TMPRSS5: variants seen among roughly 807,000 people sequenced by gnomAD.
The protein encoded by TMPRSS5 is transmembrane protease serine 5.
TMPRSS5 carries 45 observed loss-of-function variants against 59.7 expected under a neutral mutation model. The ratio of observed to expected loss-of-function variants is 0.75; its 90% CI spans 0.59 to 0.97. TMPRSS5 has a LOEUF of 0.97. TMPRSS5 is among the 50% of genes least tolerant of loss of function. TMPRSS5 has a pLI of 0.00. For missense variants in TMPRSS5, 585 were observed against 596.7 expected (o/e 0.98, Z 0.20); for synonymous variants, 225 against 232.0 (o/e 0.97, Z 0.27).
Position 113,691,029 on chromosome 11 carries a change from T to A in TMPRSS5, c.965-90A>T. The A allele has an allele frequency of 2.5e-6, 3 of 1,221,322 alleles. No homozygotes were observed. In the East Asian group the frequency reaches 7.7e-5, roughly 31 times the overall value. The allele number at this position is 1,221,322 out of a possible 1,614,324, so 75.7% of individuals were successfully genotyped here. A position where few individuals can be genotyped will look rare whatever the true frequency, so the allele number is the denominator to read the frequency against. ...CGAAGGACCCAGGACTGGCAAGTCC[T>A]CCTCAGCCCCCTTCTCAAACAGTCC... On this transcript the variant is annotated intron_variant, in intron 9 of 12. Coordinates refer to ENST00000299882, the MANE Select transcript of TMPRSS5 (RefSeq NM_030770.4).
At chr11:113,697,992 G>A (rs1399947133) in intron 4 of TMPRSS5, among the ~76,000 whole-genome samples, 8 of 152,154 alleles carry the variant, frequency 5.3e-5, no homozygotes, top group South Asian at 4.1e-4. Flanking sequence ...ATGAGGTCAC[G>A]AGGGTGACGC....
Position 113,697,306 on chromosome 11 carries a change from G to C in TMPRSS5, c.441C>G (p.Ile147Met). 1 of 1,612,924 alleles carries C rather than the reference G, an allele frequency of 6.2e-7. No homozygotes were observed. Among genetic ancestry groups the C allele is most frequent in the East Asian group, 2.2e-5 (1 of 44,846 alleles). Residue 147 changes from isoleucine to methionine, a missense_variant, in exon 5 of 13, where the codon ATC becomes ATG. Coordinates refer to ENST00000299882, the MANE Select transcript of TMPRSS5 (RefSeq NM_030770.4). ...EGWSPALGLQ[I>M]CWSLGHLRLT... ...ACCTGAGATGCCCAAGGCTCCAGCAGATCTGCAGCCCCAGGGCGGGGCTCC... is the reference window on the plus strand; with the variant it reads ...ACCTGAGATGCCCAAGGCTCCAGCACATCTGCAGCCCCAGGGCGGGGCTCC...
At chr11:113,699,558 A>C (rs1591387169) in intron 3 of TMPRSS5, 37 bp downstream of exon 3, 3 of 1,524,180 alleles carry the variant, frequency 2.0e-6, no homozygotes, top group Non-Finnish European at 1.8e-6. Context: ...CTCCCTTCCA[A>C]CCTCCCCCAC....
intron 9 of TMPRSS5, among the ~76,000 whole-genome samples, chr11:113,692,318 A>G (rs548978467): frequency 6.6e-6 from 1 of 152,288 alleles, no homozygotes; most frequent in East Asian, 1.9e-4. Flanking sequence ...GTATATGTGA[A>G]CGTATATGTG....
At chr11:113,704,295 C>G (rs990214810) in intron 1 of TMPRSS5, among the ~76,000 whole-genome samples, 4 of 152,206 alleles carry the variant, frequency 2.6e-5, no homozygotes, top group African/African-American at 9.6e-5. Context: ...TCAATTTTCT[C>G]ATTTGTAAAA....
intron 1 of TMPRSS5, among the ~76,000 whole-genome samples, chr11:113,702,322 GT>G (rs1176617144): frequency 3.3e-5 from 5 of 152,136 alleles, no homozygotes; most frequent in African/African-American, 1.2e-4. Flanking sequence ...GGATTGCTGG[GT>G]CAAATGGTAT....
At chr11:113,700,396 G>C (rs1421306658) in intron 1 of TMPRSS5, among the ~76,000 whole-genome samples, 3 of 152,172 alleles carry the variant, frequency 2.0e-5, no homozygotes, top group African/African-American at 7.2e-5. Context: ...CACATGGCCA[G>C]TAGCAAACAC....
Position 113,696,845 on chromosome 11 carries a change from T to C in TMPRSS5, c.578+13A>G. 1 of 1,542,432 alleles carries C rather than the reference T, an allele frequency of 6.5e-7. No homozygotes were observed. ...AAGGGACCCCACTCACCTAACAGCC[T>C]CAGTAGTCCTACCTGGGCTGCCACG... On this transcript the variant is annotated intron_variant, in intron 6 of 12. Transcript: ENST00000299882.
chr11:113,688,953 G>A (rs981759741), intron 12 of TMPRSS5, among the ~76,000 whole-genome samples: 1 of 152,180 alleles, frequency 6.6e-6, no homozygotes, highest in Non-Finnish European at 1.5e-5. Context: ...ATTTACGTAG[G>A]TGCAGAACCC....
At chr11:113,691,718 A>C (rs1952784088) in intron 9 of TMPRSS5, among the ~76,000 whole-genome samples, 1 of 151,252 alleles carries the variant, frequency 6.6e-6, no homozygotes, top group Admixed American at 6.6e-5. Flanking sequence ...TTTACTTACT[A>C]TACTATATAG....
chr11:113,699,622 C>T lies in TMPRSS5; in HGVS notation c.178G>A (p.Gly60Ser), dbSNP rs368959091. The T allele has an allele frequency of 2.4e-5, 38 of 1,581,644 alleles. No individual in the cohort carries two copies. The highest frequency in any genetic ancestry group is 4.6e-5 in the East Asian group (2 of 43,094). ...AGGAGCCATGAGCCAACACCTGCAC[C>T]GGCCAGCAGCCCCAGGGCTCCCAGC... is the stretch of plus-strand genomic sequence containing the variant. ...AVLGALGLLA[G>S]AGVGSWLLVL... The change falls in exon 3 of 13, where the codon GGT becomes AGT. Residue 60 changes from glycine (G) to serine (S), a missense_variant. By Grantham distance (56) the Gly-to-Ser change is moderately conservative. Transcript: ENST00000299882.
At chr11:113,693,024 C>CAA in intron 9 of TMPRSS5, 47 bp downstream of exon 9, 1 of 1,482,604 alleles carries the variant, frequency 6.7e-7, no homozygotes, top group Non-Finnish European at 9.2e-7. Flanking sequence ...CCCCCGCCCT[C>CAA]TCTCGCCATA....
chr11:113,699,571 C>T (rs1417149760), intron 3 of TMPRSS5, 24 bp downstream of exon 3: 1 of 1,552,904 alleles, frequency 6.4e-7, no homozygotes. Context: ...TCCCCCACAC[C>T]AGAGAAAGGC....
chr11:113,695,900 A>G (rs1257284754), intron 6 of TMPRSS5, among the ~76,000 whole-genome samples: 3 of 151,838 alleles, frequency 2.0e-5, no homozygotes, highest in Non-Finnish European at 4.4e-5. Context: ...GGCTTTGCAT[A>G]TTCATATTCT....
intron 1 of TMPRSS5, among the ~76,000 whole-genome samples, chr11:113,705,088 C>T (rs1471069485): frequency 1.3e-5 from 2 of 152,166 alleles, no homozygotes; most frequent in Non-Finnish European, 2.9e-5. Context: ...CCCCTGCAGA[C>T]TACTGTCTCC....
At chr11:113,696,792 A>G in intron 6 of TMPRSS5, 66 bp downstream of exon 6, 1 of 1,125,590 alleles carries the variant, frequency 8.9e-7, no homozygotes, top group Non-Finnish European at 1.3e-6. Flanking sequence ...AAGAAAGGAG[A>G]TTTTTGCTGG....
chr11:113,695,241 C>G (rs1218648781), intron 7 of TMPRSS5, among the ~76,000 whole-genome samples, 159 bp downstream of exon 7: 1 of 152,142 alleles, frequency 6.6e-6, no homozygotes, highest in Non-Finnish European at 1.5e-5. Context: ...TGGGGCAGAA[C>G]AGCAACTGCA....
At chr11:113,695,819 G>A (rs1312150437) in intron 6 of TMPRSS5, among the ~76,000 whole-genome samples, 1 of 152,096 alleles carries the variant, frequency 6.6e-6, no homozygotes, top group Non-Finnish European at 1.5e-5. Context: ...TGAGTGTGTG[G>A]GTGACTAGGG....
chr11:113,695,602 C>A (rs1368195202), intron 6 of TMPRSS5, among the ~76,000 whole-genome samples, 159 bp from the exon 7 acceptor site: 1 of 152,120 alleles, frequency 6.6e-6, no homozygotes, highest in Non-Finnish European at 1.5e-5. Context: ...TTCCTTCCTG[C>A]CCCCACCCAA....
Sources: allele counts gnomAD v4.1 joint callset (sites outside exome capture counted in the v4.1 genomes callset), GRCh38; gene constraint gnomAD v4.1.1; transcripts MANE v1.5; gene names NCBI Gene and HGNC (gene_info 2026-07-23, HGNC 2026-07-21).